Variants in CAPZA1 observed in about 807,000 individuals in gnomAD.
CAPZA1 encodes capping actin protein of muscle Z-line subunit alpha 1.
In CAPZA1, 10 loss-of-function variants were observed where a neutral mutation model predicts 40.8. The observed-to-expected ratio is 0.25, with a 90% CI of 0.15 to 0.42. The LOEUF (loss-of-function observed/expected upper bound fraction) is 0.42, where lower values mean the gene tolerates loss of function less well. CAPZA1 is among the 10% of genes least tolerant of loss of function. The probability of loss-of-function intolerance (pLI) is 1.00; values close to 1 mark genes in which losing one functional copy is unlikely to be tolerated. For missense variants in CAPZA1, 277 were observed against 353.8 expected (o/e 0.78, Z 1.74); for synonymous variants, 98 against 115.0 (o/e 0.85, Z 0.95).
At chr1:112,620,115 C>T (rs1025514759) in intron 1 of CAPZA1, 1 of 454,120 alleles carries the variant, frequency 2.2e-6, no homozygotes, top group South Asian at 3.6e-5. Flanking sequence ...GAGGCACAGC[C>T]CAGGGGCCTC....
intron 8 of CAPZA1, among the ~76,000 whole-genome samples, chr1:112,668,729 G>A (rs536945524): frequency 1.3e-5 from 2 of 151,994 alleles, no homozygotes; most frequent in South Asian, 4.2e-4. Context: ...CACCTGCCTC[G>A]GCCTCCCAAA....
chr1:112,627,372 C>T (rs772254483), intron 1 of CAPZA1, among the ~76,000 whole-genome samples: 8 of 151,964 alleles, frequency 5.3e-5, no homozygotes, highest in East Asian at 1.9e-4. Context: ...TGGCCAGGTG[C>T]GGTGGTTCAC....
intron 8 of CAPZA1, 139 bp from the exon 9 acceptor site, chr1:112,669,404 G>A: frequency 1.5e-6 from 1 of 680,766 alleles, no homozygotes; most frequent in Non-Finnish European, 2.7e-6. Context: ...GAGAATCAAA[G>A]GAGGGTAGTG....
intron 1 of CAPZA1, chr1:112,620,101 G>T (rs1199114698): frequency 2.0e-6 from 1 of 510,648 alleles, no homozygotes; most frequent in Non-Finnish European, 3.5e-6. Context: ...TTTCTCTCAG[G>T]CCTGAGGCAC....
chr1:112,653,394 A>G (rs1671435340), intron 3 of CAPZA1, among the ~76,000 whole-genome samples: 1 of 152,156 alleles, frequency 6.6e-6, no homozygotes, highest in African/African-American at 2.4e-5. Flanking sequence ...AGCTTCCAAG[A>G]TCTCCGTAGA....
At chr1:112,659,844 G>A in intron 7 of CAPZA1, 65 bp downstream of exon 7, 1 of 1,281,678 alleles carries the variant, frequency 7.8e-7, no homozygotes, top group South Asian at 1.3e-5. Context: ...AGGTTGCTTT[G>A]GTATTAAATA....
chr1:112,630,731 C>T (rs370418663), intron 1 of CAPZA1, among the ~76,000 whole-genome samples: 1 of 152,036 alleles, frequency 6.6e-6, no homozygotes, highest in Non-Finnish European at 1.5e-5. Context: ...CCTTGGCCTC[C>T]CAAAGTGCTG....
intron 1 of CAPZA1, among the ~76,000 whole-genome samples, chr1:112,632,218 G>A (rs1219779283): frequency 1.3e-5 from 2 of 152,166 alleles, no homozygotes; most frequent in Non-Finnish European, 2.9e-5. Flanking sequence ...TGAGGCAGGA[G>A]AATTGCTTGA....
intron 1 of CAPZA1, among the ~76,000 whole-genome samples, chr1:112,632,290 A>C (rs1670934069): frequency 6.6e-6 from 1 of 152,336 alleles, no homozygotes; most frequent in Middle Eastern, 3.4e-3. Flanking sequence ...CCTGGGTGAC[A>C]TCTCAAAACA....
At chr1:112,658,394 T>C (rs1314159914) in intron 5 of CAPZA1, among the ~76,000 whole-genome samples, 3 of 152,222 alleles carry the variant, frequency 2.0e-5, no homozygotes, top group Non-Finnish European at 2.9e-5. Context: ...TTCTACATTC[T>C]GTGTGCAACT....
intron 1 of CAPZA1, among the ~76,000 whole-genome samples, chr1:112,622,230 T>C (rs574296254): frequency 1.5e-4 from 23 of 152,350 alleles, no homozygotes; most frequent in Admixed American, 1.2e-3. Context: ...TGTAAATATT[T>C]ATGTAAAAGC....
intron 1 of CAPZA1, among the ~76,000 whole-genome samples, chr1:112,623,076 AG>A (rs141937049): frequency 2.3e-3 from 357 of 152,148 alleles, no homozygotes; most frequent in Non-Finnish European, 3.5e-3. Flanking sequence ...TAGTAGAGAC[AG>A]GGTTTCAATA....
Position 112,670,336 on chromosome 1 carries a change from C to T in CAPZA1, c.*204C>T. 2.5e-6 allele frequency: 1 copy of T among 395,348 alleles called. No homozygotes were observed. The highest frequency in any genetic ancestry group is 4.5e-6 in the Non-Finnish European group (1 of 222,452). The allele number at this position is 395,348 out of a possible 1,614,324, so 24.5% of individuals were successfully genotyped here. On this transcript the variant is annotated 3_prime_UTR_variant, in exon 10 of 10. Transcript: ENST00000263168. ...TCTGCCTTGTAATTTTCTGTTACTG[C>T]TATATCTACGTGTAAATCTTTTTTT... is the stretch of plus-strand genomic sequence containing the variant.
Position 112,653,576 on chromosome 1 carries a change from A to T in CAPZA1, c.156-22A>T, listed in dbSNP as rs200137493. On this transcript the variant is annotated intron_variant, in intron 3 of 9. Transcript: ENST00000263168. Reference sequence around the variant, plus strand: ...CTCCCTCTTTTTTTTTTTTTTTTTAAAAAACTTTTAAAAAAAAACAGTGCA... The same window carrying T: ...CTCCCTCTTTTTTTTTTTTTTTTTATAAAACTTTTAAAAAAAAACAGTGCA... 0.015 allele frequency: 20,119 copies of T among 1,304,360 alleles called. 221 individuals carry two copies. The highest frequency in any genetic ancestry group is 0.038 in the African/African-American group (1,959 of 51,610). 80.8% of individuals were successfully genotyped at this position (1,304,360 alleles called of 1,614,324 possible). A position where few individuals can be genotyped will look rare whatever the true frequency, so the allele number is the denominator to read the frequency against.
At chr1:112,650,628 CA>C (rs2101167530) in intron 3 of CAPZA1, among the ~76,000 whole-genome samples, 1 of 152,332 alleles carries the variant, frequency 6.6e-6, no homozygotes, top group African/African-American at 2.4e-5. Context: ...CACAATCTCA[CA>C]AGGCAAGTTC....
intron 1 of CAPZA1, among the ~76,000 whole-genome samples, chr1:112,630,073 C>T (rs1469291111): frequency 6.6e-6 from 1 of 152,048 alleles, no homozygotes; most frequent in Non-Finnish European, 1.5e-5. Context: ...GACAGGGTCT[C>T]ACTCTGTCAC....
rs113307512 is a variant in CAPZA1 at position 112,627,452 on chromosome 1, C to T, written c.39+7569C>T. On this transcript the variant is annotated intron_variant, in intron 1 of 9. Coordinates refer to ENST00000263168, the MANE Select transcript of CAPZA1 (RefSeq NM_006135.3). ...TTGAACCCAGGAGTTCAAGACCAGC[C>T]TGAGCAACATAGTGAAACCCCATCT... Among the ~76,000 whole-genome samples, 1,060 of 151,404 alleles carry T rather than the reference C, an allele frequency of 7.0e-3. 8 individuals carry two copies. The highest frequency in any genetic ancestry group is 0.012 in the Non-Finnish European group (829 of 67,896).
chr1:112,664,021 C>T (rs1217427235), intron 7 of CAPZA1, among the ~76,000 whole-genome samples: 1 of 151,906 alleles, frequency 6.6e-6, no homozygotes. Flanking sequence ...ATCATGAGGT[C>T]AAGAGATCGA....
chr1:112,662,402 T>TC (rs951772155), intron 7 of CAPZA1, among the ~76,000 whole-genome samples: 20 of 140,006 alleles, frequency 1.4e-4, no homozygotes, highest in East Asian at 4.1e-4. Context: ...TTTCTTTTTT[T>TC]TTTTTTTTTT....
Sources: gnomAD v4.1 joint callset for allele counts (sites outside exome capture counted in the v4.1 genomes callset) on GRCh38, gnomAD v4.1.1 for gene constraint, MANE v1.5 for transcripts, NCBI Gene and HGNC (gene_info 2026-07-23, HGNC 2026-07-21) for gene names.